Variants in AP3M2 observed in about 807,000 individuals in gnomAD.
AP3M2 encodes the protein AP-3 complex subunit mu-2.
AP3M2 carries 28 observed loss-of-function variants against 41.6 expected under a neutral mutation model. That is an observed-to-expected ratio of 0.67 (90% confidence interval 0.50 to 0.92). The LOEUF (loss-of-function observed/expected upper bound fraction) is 0.92. AP3M2 is among the 40% of genes least tolerant of loss of function. AP3M2 has a pLI of 0.00. For synonymous variants in AP3M2, 193 were observed against 186.4 expected, an observed-to-expected ratio of 1.04 and a Z score of -0.29; for missense variants, 427 against 521.4, an observed-to-expected ratio of 0.82 and a Z score of 1.76.
In AP3M2 at chr8:42,158,124, G is replaced by T; in HGVS notation, c.445+12G>T. 6.2e-7 allele frequency: 1 copy of T among 1,609,836 alleles called. No individual in the cohort carries two copies. Among genetic ancestry groups the T allele is most frequent in the Non-Finnish European group, 8.5e-7 (1 of 1,176,406 alleles). ...CAACACCATCACAGGTACGGCAGAGGGGGAAACTGATAGATAGTGGCCATC... is the reference window on the plus strand; with the variant it reads ...CAACACCATCACAGGTACGGCAGAGTGGGAAACTGATAGATAGTGGCCATC... On this transcript the variant is annotated intron_variant, in intron 3 of 8. Transcript: ENST00000396926.
intron 8 of AP3M2, chr8:42,168,131 T>G (rs1804691110): frequency 1.9e-6 from 1 of 512,988 alleles, no homozygotes; most frequent in Non-Finnish European, 3.8e-6. Context: ...GTTTTCAGTA[T>G]GAGAATCCAT....
At chr8:42,159,871 A>G (rs1009068125) in intron 3 of AP3M2, among the ~76,000 whole-genome samples, 1 of 152,222 alleles carries the variant, frequency 6.6e-6, no homozygotes, top group Admixed American at 6.5e-5. Flanking sequence ...AAGAATTACA[A>G]AGGGGTTGTT....
rs956834718 is a variant in AP3M2, at chr8:42,167,087, A to T, written c.804-77A>T. 3.7e-6 allele frequency: 5 copies of T among 1,350,434 alleles called. No individual in the cohort carries two copies. The African/African-American group carries it at 7.2e-5, about 19-fold the overall frequency. 83.7% of individuals were successfully genotyped at this position (1,350,434 alleles called of 1,614,324 possible). A position where few individuals can be genotyped will look rare whatever the true frequency, so the allele number is the denominator to read the frequency against. On this transcript the variant is annotated intron_variant, in intron 6 of 8. Transcript: ENST00000396926. ...GGAGAAGAAGCTACCCACAGGGCAG[A>T]AAAAGCATCATGTGAAAGGAAGAAC...
At chr8:42,157,886 ATTTATTTATTTT>A (rs758059987) in intron 2 of AP3M2, 43 bp from the exon 3 acceptor site, 6 of 1,504,754 alleles carry the variant, frequency 4.0e-6, no homozygotes, top group Non-Finnish European at 5.5e-6. Context: ...TCTTTTATTT[ATTTATTTATTTT>A]ACAGTATCTG....
chr8:42,161,908 A>T (rs1349500424), intron 3 of AP3M2, among the ~76,000 whole-genome samples: 1 of 152,210 alleles, frequency 6.6e-6, no homozygotes, highest in Non-Finnish European at 1.5e-5. Context: ...CTCAGGCTCA[A>T]ATACTGTTTT....
intron 6 of AP3M2, chr8:42,166,803 C>G: frequency 4.5e-6 from 1 of 222,164 alleles, no homozygotes; most frequent in Middle Eastern, 2.0e-3. Context: ...GGTCCATGAG[C>G]TATGAATATT....
intron 6 of AP3M2, 175 bp from the exon 7 acceptor site, chr8:42,166,989 A>G (rs1039189506): frequency 1.6e-6 from 1 of 616,146 alleles, no homozygotes; most frequent in Non-Finnish European, 2.8e-6. Flanking sequence ...GTAGCTTTTC[A>G]AAAAGAAAAA....
chr8:42,167,553 T>G (rs1804674194), intron 7 of AP3M2, 113 bp from the exon 8 acceptor site: 3 of 1,415,142 alleles, frequency 2.1e-6, no homozygotes, highest in Non-Finnish European at 2.9e-6. Flanking sequence ...CAGAGGCAGC[T>G]TATAATGTTG....
Position 42,165,525 on chromosome 8 carries a change from C to T in AP3M2, c.768C>T (p.Asn256=). 3 of 1,614,150 alleles carry T rather than the reference C, an allele frequency of 1.9e-6. No individual in the cohort carries two copies. The highest frequency in any genetic ancestry group is 2.5e-6 in the Non-Finnish European group (3 of 1,180,020). The change falls in exon 6 of 9, where the codon AAC becomes AAT. Residue 256 remains asparagine (N), a synonymous_variant. Coordinates refer to ENST00000396926, the MANE Select transcript of AP3M2 (RefSeq NM_006803.4). ...RILSFIPPDG[N]FRLLSYHVSA... is the part of the protein sequence containing the mutation. ...TCTCCTTCATCCCTCCTGATGGAAA[C>T]TTCCGCCTGCTGTCTTACCATGTCA... is the stretch of plus-strand genomic sequence containing the variant.
chr8:42,165,272 T>A, intron 5 of AP3M2, 116 bp downstream of exon 5: 1 of 1,435,136 alleles, frequency 7.0e-7, no homozygotes, highest in Non-Finnish European at 9.6e-7. Context: ...GCCACGAAGC[T>A]TGTCTCAGGC....
chr8:42,165,278 C>A (rs1187388486), intron 5 of AP3M2, 122 bp downstream of exon 5: 2 of 1,440,890 alleles, frequency 1.4e-6, no homozygotes, highest in East Asian at 4.6e-5. Flanking sequence ...AAGCTTGTCT[C>A]AGGCTTGAAT....
rs375730333 is a variant in AP3M2 at position 42,167,663 on chromosome 8, A to T, written c.1012-3A>T. The T allele has an allele frequency of 7.3e-5, 117 of 1,596,168 alleles. No individual in the cohort carries two copies. In the African/African-American group the frequency reaches 1.4e-3, roughly 19 times the overall value. On this transcript the variant is annotated splice_polypyrimidine_tract_variant and splice_region_variant and intron_variant, in intron 7 of 8. Coordinates refer to ENST00000396926, the MANE Select transcript of AP3M2 (RefSeq NM_006803.4). ...CACTTCTCCATTTTTATTTTCTTTG[A>T]AGATGCTGTCTTGGGATGTAGGAAA...
chr8:42,167,277 A>AG lies in AP3M2; in HGVS notation c.920dup (p.Val308SerfsTer62), dbSNP rs761788593. On this transcript the variant is annotated frameshift_variant, in exon 7 of 9. Transcript: ENST00000396926. LOFTEE classifies it high-confidence loss of function. Reference sequence around the variant, plus strand: ...AAGCAGACGATGGGGAAGACCATTGAGGGAGTGACTGTCACCAGCCAGATG... The same window carrying AG: ...AAGCAGACGATGGGGAAGACCATTGAGGGGAGTGACTGTCACCAGCCAGATG... 1.3e-5 allele frequency: 21 copies of AG among 1,614,170 alleles called. No homozygotes were observed. Among genetic ancestry groups the AG allele is most frequent in the Non-Finnish European group, 1.8e-5 (21 of 1,180,034 alleles).
chr8:42,162,177 CAATT>C (rs1482929022), intron 3 of AP3M2, 100 bp from the exon 4 acceptor site: 12 of 1,148,228 alleles, frequency 1.0e-5, no homozygotes, highest in Middle Eastern at 2.5e-4. Flanking sequence ...AAAAATTCTT[CAATT>C]GAGTGCATGA....
chr8:42,153,692 GT>G (rs1441292494), intron 1 of AP3M2: 1 of 151,904 alleles, frequency 6.6e-6, no homozygotes, highest in East Asian at 1.9e-4. Context: ...AGGGGGCGGG[GT>G]TCTCCCTCTG....
intron 2 of AP3M2, chr8:42,155,659 C>A (rs112744308): frequency 2.7e-5 from 5 of 182,748 alleles, no homozygotes; most frequent in African/African-American, 1.2e-4. Context: ...CAGACAGCAC[C>A]GGCCCTGGAT....
chr8:42,167,909 A>G, intron 8 of AP3M2, 99 bp downstream of exon 8: 2 of 1,423,448 alleles, frequency 1.4e-6, no homozygotes, highest in Non-Finnish European at 1.9e-6. Flanking sequence ...TCCTGTTTAC[A>G]AGGTTTAGTT....
At chr8:42,162,760 C>CATAGTGAG (rs938791328) in intron 4 of AP3M2, among the ~76,000 whole-genome samples, 11 of 151,828 alleles carry the variant, frequency 7.2e-5, no homozygotes, top group African/African-American at 2.4e-4. Context: ...GCCTGAGCAA[C>CATAGTGAG]ATAGTGAGAC....
intron 7 of AP3M2, 25 bp from the exon 8 acceptor site, chr8:42,167,641 T>G (rs1804676376): frequency 2.5e-6 from 4 of 1,596,150 alleles, no homozygotes; most frequent in Non-Finnish European, 1.7e-6. Flanking sequence ...GAAAGACCAC[T>G]TCTCCATTTT....
Sources: allele counts gnomAD v4.1 joint callset (sites outside exome capture counted in the v4.1 genomes callset), GRCh38; gene constraint gnomAD v4.1.1; transcripts MANE v1.5; gene names NCBI Gene and HGNC (gene_info 2026-07-23, HGNC 2026-07-21).